SCUBE2: variants seen among roughly 807,000 people sequenced by gnomAD.
SCUBE2 encodes the protein signal peptide, CUB domain and EGF like domain containing 2, also known as signal peptide, CUB and EGF-like domain-containing protein 2.
In SCUBE2, 114 loss-of-function variants were observed where a neutral mutation model predicts 125.9. That is an observed-to-expected ratio of 0.91 (90% CI 0.78 to 1.06). SCUBE2 has a LOEUF of 1.06. Among genes scored for constraint, SCUBE2 ranks in the 50% least tolerant of loss-of-function variants. The pLI, the probability that SCUBE2 is intolerant of heterozygous loss-of-function variation, is 0.00. For synonymous variants in SCUBE2, 459 were observed against 492.9 expected, an observed-to-expected ratio of 0.93 and a Z score of 0.91; for missense variants, 1,255 against 1,301.8, an observed-to-expected ratio of 0.96 and a Z score of 0.55.
intron 2 of SCUBE2, among the ~76,000 whole-genome samples, chr11:9,079,956 T>C (rs1861509890): frequency 6.6e-6 from 1 of 152,218 alleles, no homozygotes; most frequent in South Asian, 2.1e-4. Context: ...TTGACAAGCT[T>C]ATTGTAAAAT....
Position 9,053,233 on chromosome 11 carries a change from G to A in SCUBE2, c.1331-18C>T, listed in dbSNP as rs1280981721. 6.3e-7 allele frequency: 1 copy of A among 1,589,282 alleles called. No individual in the cohort carries two copies. The highest frequency in any genetic ancestry group is 2.2e-5 in the East Asian group (1 of 44,762). ...CTTCACTTCTAGACAGGACAAAACA[G>A]ACACTTACAGAAAGAGAAGGACATT... On this transcript the variant is annotated intron_variant, in intron 11 of 22. Coordinates refer to ENST00000649792, the MANE Select transcript of SCUBE2 (RefSeq NM_001367977.2).
rs1028103854 is a variant in SCUBE2 at position 9,045,622 on chromosome 11, C to G, written c.2002+1734G>C. ...AGACAGACAGACAGACACACACACA[C>G]ACACACACACACACACACACACACA... On this transcript the variant is annotated intron_variant, in intron 16 of 22. Coordinates refer to ENST00000649792, the MANE Select transcript of SCUBE2 (RefSeq NM_001367977.2). Among the ~76,000 whole-genome samples the G allele has an allele frequency of 9.2e-4, 136 of 148,004 alleles. 1 individual carries two copies. Among genetic ancestry groups the G allele is most frequent in the East Asian group, 1.4e-3 (7 of 5,074 alleles).
At chr11:9,040,480 T>C (rs1857118955) in intron 16 of SCUBE2, among the ~76,000 whole-genome samples, 1 of 144,768 alleles carries the variant, frequency 6.9e-6, no homozygotes, top group Admixed American at 6.9e-5. Context: ...CCAGGCAGGA[T>C]GGGGAGGGTA....
In SCUBE2 at chr11:9,089,842, A is replaced by G; in HGVS notation, c.134-13T>C. ...CACTCATCTACATCTGCAAAAGAGC[A>G]CAGCTGACACCTGGTACAGGCTCCC... On this transcript the variant is annotated splice_polypyrimidine_tract_variant and intron_variant, in intron 1 of 22. Coordinates refer to ENST00000649792, the MANE Select transcript of SCUBE2 (RefSeq NM_001367977.2). 1 of 1,612,750 alleles carries G rather than the reference A, an allele frequency of 6.2e-7. No individual in the cohort carries two copies. The highest frequency in any genetic ancestry group is 1.1e-5 in the South Asian group (1 of 90,816).
At chr11:9,071,931 G>A (rs1024427970) in intron 4 of SCUBE2, among the ~76,000 whole-genome samples, 2 of 152,096 alleles carry the variant, frequency 1.3e-5, no homozygotes, top group Admixed American at 6.5e-5. Context: ...CGGGCCGGGG[G>A]TGATGTGCTT....
chr11:9,043,532 TC>T (rs1355673317), intron 16 of SCUBE2, among the ~76,000 whole-genome samples: 2 of 151,890 alleles, frequency 1.3e-5, no homozygotes, highest in African/African-American at 4.8e-5. Flanking sequence ...GAGCAGGCTG[TC>T]CCCAAAGTCC....
chr11:9,021,574 T>C (rs1855295139), intron 22 of SCUBE2, among the ~76,000 whole-genome samples: 1 of 152,224 alleles, frequency 6.6e-6, no homozygotes, highest in African/African-American at 2.4e-5. Flanking sequence ...GAGCCAAGGA[T>C]CCTCAACTAT....
At chr11:9,065,863 G>A in intron 7 of SCUBE2, 28 bp downstream of exon 7, 1 of 1,593,640 alleles carries the variant, frequency 6.3e-7, no homozygotes, top group South Asian at 1.1e-5. Flanking sequence ...AATTGCAGTG[G>A]CCAAGGAAAG....
Position 9,069,504 on chromosome 11 carries a change from C to A in SCUBE2, c.518-9G>T, listed in dbSNP as rs1007649959. On this transcript the variant is annotated splice_polypyrimidine_tract_variant and intron_variant, in intron 4 of 22. Transcript: ENST00000649792. The stretch of plus-strand genomic sequence containing the variant: ...CATGCAGCTCAGGCCCTCTGAAAAA[C>A]AGCAGTGTGCGACAGGTGACTAGGC... 1.2e-5 allele frequency: 19 copies of A among 1,614,090 alleles called. No individual in the cohort carries two copies. Among genetic ancestry groups the A allele is most frequent in the Middle Eastern group, 1.6e-4 (1 of 6,062 alleles).
chr11:9,021,958 G>C lies in SCUBE2; in HGVS notation c.2855-3C>G. 1.2e-6 allele frequency: 2 copies of C among 1,608,446 alleles called. No individual in the cohort carries two copies. The highest frequency in any genetic ancestry group is 1.7e-6 in the Non-Finnish European group (2 of 1,174,840). On this transcript the variant is annotated splice_polypyrimidine_tract_variant and splice_region_variant and intron_variant, in intron 21 of 22. Transcript: ENST00000649792. ...TTCAATGAGTTCCTGGTAGTCCTCT[G>C]TTGGAATAAAGAACATGTTTTGCAT...
chr11:9,048,777 C>A (rs1045597647), intron 14 of SCUBE2, among the ~76,000 whole-genome samples: 6 of 152,126 alleles, frequency 3.9e-5, no homozygotes, highest in African/African-American at 1.2e-4. Context: ...AATCTGTTAA[C>A]CCTCACCAAA....
intron 2 of SCUBE2, among the ~76,000 whole-genome samples, chr11:9,086,116 G>A (rs965311006): frequency 1.3e-5 from 2 of 152,204 alleles, no homozygotes; most frequent in Non-Finnish European, 2.9e-5. Context: ...TTACAGGCGT[G>A]AGCCAATTCA....
chr11:9,029,520 C>T (rs927903933), intron 19 of SCUBE2, among the ~76,000 whole-genome samples: 6 of 152,242 alleles, frequency 3.9e-5, no homozygotes, highest in African/African-American at 1.2e-4. Flanking sequence ...GCAGGTTCAG[C>T]GATGCCGACT....
chr11:9,048,140 A>C, intron 14 of SCUBE2, 42 bp from the exon 15 acceptor site: 1 of 1,586,156 alleles, frequency 6.3e-7, no homozygotes, highest in Non-Finnish European at 8.6e-7. Flanking sequence ...AATCCTGGCA[A>C]AGCACTCAGC....
chr11:9,069,430 T>C lies in SCUBE2; in HGVS notation c.583A>G (p.Ser195Gly). The change falls in exon 5 of 23, where the codon AGC becomes GGC. Residue 195 changes from serine (S) to glycine (G), a missense_variant. This residue lies in a region of SCUBE2 where 362 missense variants were observed against 323.0 expected (regional missense o/e 1.12). Coordinates refer to ENST00000649792, the MANE Select transcript of SCUBE2 (RefSeq NM_001367977.2). The stretch of plus-strand genomic sequence containing the variant: ...CCAGGCCTGCACTCACAGGCGACGC[T>C]GCCCCTTGGGGCCTCCTTGCAGATG... The part of the protein sequence containing the change: ...SHICKEAPRG[S>G]VACECRPGFE... 1 of 1,614,260 alleles carries C rather than the reference T, an allele frequency of 6.2e-7. No homozygotes were observed. Among genetic ancestry groups the C allele is most frequent in the East Asian group, 2.2e-5 (1 of 44,886 alleles).
intron 14 of SCUBE2, 177 bp downstream of exon 14, chr11:9,050,429 T>C (rs996914900): frequency 1.6e-6 from 1 of 608,330 alleles, no homozygotes; most frequent in South Asian, 1.9e-5. Context: ...GCATGCTAGG[T>C]TATGCTCTTC....
At chr11:9,088,414 C>G (rs1337127923) in intron 2 of SCUBE2, among the ~76,000 whole-genome samples, 1 of 152,224 alleles carries the variant, frequency 6.6e-6, no homozygotes, top group Non-Finnish European at 1.5e-5. Flanking sequence ...CTTGGTCTCA[C>G]ACTCCTGGCC....
At chr11:9,043,655 A>AT (rs1048173634) in intron 16 of SCUBE2, among the ~76,000 whole-genome samples, 2 of 152,168 alleles carry the variant, frequency 1.3e-5, no homozygotes, top group South Asian at 2.1e-4. Flanking sequence ...TTTAAAATTT[A>AT]TTTTTTAATG....
At position 9,091,272 on chromosome 11, in the gene SCUBE2, C is replaced by T. The variant is rs1161092912; in HGVS notation, c.133+124G>A. ...TGAGGTCCCGGGGGGAGCAGAGGCC[C>T]CCGCGGAGCTGCAGCCGCCAGCCCC... On this transcript the variant is annotated intron_variant, in intron 1 of 22. Transcript: ENST00000649792. The surrounding 1 kb of genome is among the most constrained non-coding windows in gnomAD (Gnocchi z 8.5). 3.1e-6 allele frequency: 2 copies of T among 643,176 alleles called. No individual in the cohort carries two copies. Among genetic ancestry groups the T allele is most frequent in the African/African-American group, 1.9e-5 (1 of 51,840 alleles). 39.8% of individuals were successfully genotyped at this position (643,176 alleles called of 1,614,324 possible).
Sources: allele counts gnomAD v4.1 joint callset (sites outside exome capture counted in the v4.1 genomes callset), GRCh38; gene constraint gnomAD v4.1.1; regional missense constraint gnomAD v4.1.1; non-coding constraint Gnocchi (gnomAD v3.1); transcripts MANE v1.5; gene names NCBI Gene and HGNC (gene_info 2026-07-23, HGNC 2026-07-21).